PSMD14: variants seen among roughly 807,000 people sequenced by gnomAD.
PSMD14 encodes the protein ubiquitin C-terminal hydrolase PSMD14.
PSMD14 carries 7 observed loss-of-function variants against 41.2 expected under a neutral mutation model. That is an observed-to-expected ratio of 0.17 (90% CI 0.10 to 0.32). The LOEUF (loss-of-function observed/expected upper bound fraction) is 0.32. PSMD14 is among the 10% of genes least tolerant of loss of function. The pLI, the probability that PSMD14 is intolerant of heterozygous loss-of-function variation, is 1.00. For synonymous variants in PSMD14, 114 were observed against 122.3 expected (o/e 0.93, Z 0.45); for missense variants, 139 against 375.6 (o/e 0.37, Z 5.21).
At chr2:161,395,897 C>A (rs1170111589) in intron 10 of PSMD14, among the ~76,000 whole-genome samples, 1 of 152,178 alleles carries the variant, frequency 6.6e-6, no homozygotes, top group Non-Finnish European at 1.5e-5. Flanking sequence ...TGTACCATAA[C>A]ACCTTCATAT....
chr2:161,349,211 C>T (rs927555014), intron 3 of PSMD14, among the ~76,000 whole-genome samples: 3 of 152,136 alleles, frequency 2.0e-5, no homozygotes, highest in African/African-American at 7.2e-5. Flanking sequence ...TATAAGTATG[C>T]GTCAAATCCT....
Position 161,330,098 on chromosome 2 carries a change from A to G in PSMD14, c.48+11225A>G, listed in dbSNP as rs546728925. 3.6e-3 allele frequency among the ~76,000 whole-genome samples: 409 copies of G among 113,460 alleles called. 6 individuals are homozygous for G. The highest frequency in any genetic ancestry group is 0.014 in the African/African-American group (389 of 27,540). 74.4% of individuals were successfully genotyped at this position (113,460 alleles called of 152,430 possible). On this transcript the variant is annotated intron_variant, in intron 3 of 11. Transcript: ENST00000409682. ...CTATTTTGATATGCAATTATGATAA[A>G]TAAATTTGTTCAAGTTCTTAGAATG...
chr2:161,385,908 T>C (rs1358052950), intron 8 of PSMD14, among the ~76,000 whole-genome samples: 1 of 151,756 alleles, frequency 6.6e-6, no homozygotes, highest in Non-Finnish European at 1.5e-5. Context: ...ACTATTATCA[T>C]TGCTTGATTA....
chr2:161,339,473 TG>T (rs1682916583), intron 3 of PSMD14, among the ~76,000 whole-genome samples: 1 of 150,806 alleles, frequency 6.6e-6, no homozygotes, highest in Admixed American at 6.7e-5. Context: ...TGGTTTTTAC[TG>T]GGTGGGTTAT....
At chr2:161,337,465 G>T (rs1682885976) in intron 3 of PSMD14, among the ~76,000 whole-genome samples, 1 of 152,146 alleles carries the variant, frequency 6.6e-6, no homozygotes, top group Non-Finnish European at 1.5e-5. Context: ...ATTCACAAGG[G>T]AAAATGGGTC....
At chr2:161,403,256 C>T (rs1683905398) in intron 10 of PSMD14, among the ~76,000 whole-genome samples, 1 of 151,940 alleles carries the variant, frequency 6.6e-6, no homozygotes, top group South Asian at 2.1e-4. Context: ...ATGGATGGAC[C>T]TCTAAAACAT....
chr2:161,331,761 A>G (rs1682793960), intron 3 of PSMD14, among the ~76,000 whole-genome samples: 1 of 152,194 alleles, frequency 6.6e-6, no homozygotes, highest in Non-Finnish European at 1.5e-5. Flanking sequence ...TTTCCTCTGG[A>G]ATTTAAAAAA....
chr2:161,346,973 G>C (rs1026635255), intron 3 of PSMD14, among the ~76,000 whole-genome samples: 2 of 150,388 alleles, frequency 1.3e-5, no homozygotes, highest in Non-Finnish European at 3.0e-5. Flanking sequence ...TCTCTTTGCA[G>C]CTATTTTTTC....
At chr2:161,354,203 AG>A (rs1683160333) in intron 3 of PSMD14, among the ~76,000 whole-genome samples, 1 of 151,994 alleles carries the variant, frequency 6.6e-6, no homozygotes, top group South Asian at 2.1e-4. Flanking sequence ...TGGTTTCTGA[AG>A]TTTGAACTGA....
chr2:161,360,191 A>ATT (rs35876321), intron 3 of PSMD14, among the ~76,000 whole-genome samples: 1,722 of 138,006 alleles, frequency 0.012, 21 homozygotes, highest in Middle Eastern at 0.022. Flanking sequence ...ATATGCATGT[A>ATT]TTTTTTTTTT....
At chr2:161,389,890 T>TTGTG (rs1491264229) in intron 8 of PSMD14, among the ~76,000 whole-genome samples, 1 of 66,962 alleles carries the variant, frequency 1.5e-5, no homozygotes, top group Non-Finnish European at 2.8e-5. Flanking sequence ...TTTTTTGTTG[T>TTGTG]TTTTTTTTTT....
In PSMD14 at chr2:161,397,904, G is replaced by A. The variant is rs1008212713; in HGVS notation, c.771+2701G>A. On this transcript the variant is annotated intron_variant, in intron 10 of 11. Coordinates refer to ENST00000409682, the MANE Select transcript of PSMD14 (RefSeq NM_005805.6). ...GATAAAGAGAAATAAATCGCTCACC[G>A]TATTTTAAATAGTTAACCTTTTATA... 5.9e-5 allele frequency among the ~76,000 whole-genome samples: 9 copies of A among 152,122 alleles called. 1 individual carries two copies. Among genetic ancestry groups the A allele is most frequent in the South Asian group, 2.1e-4 (1 of 4,824 alleles).
chr2:161,349,375 A>G (rs1326139153), intron 3 of PSMD14, among the ~76,000 whole-genome samples: 2 of 152,222 alleles, frequency 1.3e-5, no homozygotes, highest in Non-Finnish European at 2.9e-5. Context: ...AGGCATCAGA[A>G]TGCCTGCTTG....
rs1046307068 is a variant in PSMD14, at chr2:161,324,502, A to T, written c.48+5629A>T. ...ATTCAAAAGGCTAGAGAATAGATAC[A>T]TAAGAAAATACTGGGAAAAGAAGTT... On this transcript the variant is annotated intron_variant, in intron 3 of 11. Transcript: ENST00000409682. Among the ~76,000 whole-genome samples the T allele has an allele frequency of 3.9e-5, 6 of 152,198 alleles. 1 individual carries two copies. The highest frequency in any genetic ancestry group is 1.4e-4 in the African/African-American group (6 of 41,460).
intron 10 of PSMD14, among the ~76,000 whole-genome samples, chr2:161,405,707 A>G (rs1559056676): frequency 6.6e-6 from 1 of 152,208 alleles, no homozygotes; most frequent in Non-Finnish European, 1.5e-5. Context: ...GCAGTTATGC[A>G]TTGATTGCTT....
At chr2:161,375,586 C>G (rs543249517) in intron 7 of PSMD14, among the ~76,000 whole-genome samples, 10 of 152,102 alleles carry the variant, frequency 6.6e-5, no homozygotes, top group African/African-American at 2.4e-4. Flanking sequence ...GAAACAATAT[C>G]ATTCCAAGTG....
intron 8 of PSMD14, among the ~76,000 whole-genome samples, chr2:161,388,370 C>T (rs1683660613): frequency 6.6e-6 from 1 of 151,990 alleles, no homozygotes; most frequent in South Asian, 2.1e-4. Flanking sequence ...AGTTGAGTTG[C>T]CCAGGTAATC....
chr2:161,349,764 G>T (rs1683093552), intron 3 of PSMD14, among the ~76,000 whole-genome samples: 1 of 152,222 alleles, frequency 6.6e-6, no homozygotes, highest in Non-Finnish European at 1.5e-5. Flanking sequence ...AGAGTCTGCT[G>T]TGAGCCAGAC....
At chr2:161,394,091 C>T (rs1362550703) in intron 9 of PSMD14, among the ~76,000 whole-genome samples, 4 of 150,674 alleles carry the variant, frequency 2.7e-5, no homozygotes, top group African/African-American at 7.3e-5. Context: ...TCTGCCTCAG[C>T]CTCCCAAGTA....
Sources: allele counts gnomAD v4.1 joint callset (sites outside exome capture counted in the v4.1 genomes callset), GRCh38; gene constraint gnomAD v4.1.1; transcripts MANE v1.5; gene names NCBI Gene and HGNC (gene_info 2026-07-23, HGNC 2026-07-21).